VPS54: variants seen among roughly 807,000 people sequenced by gnomAD.
VPS54 encodes vacuolar protein sorting-associated protein 54.
A neutral mutation model predicts 121.5 loss-of-function variants in VPS54; 45 were observed. That is an observed-to-expected ratio of 0.37 (90% CI 0.29 to 0.47). VPS54 has a LOEUF of 0.47. Among genes scored for constraint, VPS54 ranks in the 20% least tolerant of loss-of-function variants. VPS54 has a pLI of 0.99. For missense variants in VPS54, 1,090 were observed against 1,131.4 expected, an observed-to-expected ratio of 0.96 and a Z score of 0.52; for synonymous variants, 371 against 385.8, an observed-to-expected ratio of 0.96 and a Z score of 0.45.
chr2:63,901,987 C>G (rs1672697871), intron 20 of VPS54, among the ~76,000 whole-genome samples: 1 of 152,074 alleles, frequency 6.6e-6, no homozygotes, highest in Non-Finnish European at 1.5e-5. Context: ...TGCACTCCAG[C>G]CTGGGAGACA....
chr2:63,957,766 A>G (rs2104550484), intron 7 of VPS54, among the ~76,000 whole-genome samples: 1 of 152,266 alleles, frequency 6.6e-6, no homozygotes, highest in Middle Eastern at 3.4e-3. Flanking sequence ...TACCACTTTA[A>G]TTACAAATCA....
At chr2:63,983,474 T>TC (rs554945503) in intron 2 of VPS54, among the ~76,000 whole-genome samples, 7,675 of 124,644 alleles carry the variant, frequency 0.062, 291 homozygotes, top group Middle Eastern at 0.14. Context: ...AGATGGAGTC[T>TC]GTCTGTCACC....
chr2:63,975,421 A>C (rs1173317133), intron 3 of VPS54: 2 of 166,262 alleles, frequency 1.2e-5, no homozygotes, highest in East Asian at 3.1e-4. Context: ...ACAAGATTAG[A>C]AATTACGGTT....
At chr2:63,931,528 G>C (rs770565973) in intron 12 of VPS54, among the ~76,000 whole-genome samples, 1 of 152,136 alleles carries the variant, frequency 6.6e-6, no homozygotes, top group Non-Finnish European at 1.5e-5. Context: ...AGACTTAAAC[G>C]TAAGACCTAG....
chr2:63,923,503 A>G (rs927769083), intron 12 of VPS54, among the ~76,000 whole-genome samples: 3 of 152,138 alleles, frequency 2.0e-5, no homozygotes, highest in Admixed American at 6.5e-5. Flanking sequence ...AATAGCCAAG[A>G]CGTGGAAGCA....
At chr2:63,970,135 C>T (rs1489597663) in intron 4 of VPS54, among the ~76,000 whole-genome samples, 1 of 150,576 alleles carries the variant, frequency 6.6e-6, no homozygotes, top group African/African-American at 2.4e-5. Context: ...TATCTTCAGC[C>T]TCTTCCCTTG....
Position 63,909,487 on chromosome 2 carries a change from T to C in VPS54, c.2625+2858A>G, listed in dbSNP as rs188753196. The stretch of plus-strand genomic sequence containing the variant: ...CCTAGGCTGGAGTGCAGTGGCGTGA[T>C]CTTGGCTCACTGCAACCTCCGCCTC... On this transcript the variant is annotated intron_variant, in intron 20 of 22. Transcript: ENST00000272322. Among the ~76,000 whole-genome samples, 21 of 145,878 alleles carry C rather than the reference T, an allele frequency of 1.4e-4. No homozygotes were observed. In the East Asian group the frequency reaches 3.8e-3, roughly 27 times the overall value.
chr2:63,991,526 T>TTA (rs1184858243), intron 1 of VPS54, among the ~76,000 whole-genome samples: 8 of 152,224 alleles, frequency 5.3e-5, no homozygotes, highest in Non-Finnish European at 1.2e-4. Context: ...CCTGCTATAA[T>TTA]TGCAGTCAAC....
At chr2:63,995,552 G>A (rs535028173) in intron 1 of VPS54, among the ~76,000 whole-genome samples, 47 of 152,306 alleles carry the variant, frequency 3.1e-4, no homozygotes, top group South Asian at 6.2e-4. Context: ...CCGGAATGGC[G>A]TTACATCAGT....
intron 12 of VPS54, among the ~76,000 whole-genome samples, chr2:63,923,569 C>T (rs933724120): frequency 6.6e-6 from 1 of 152,092 alleles, no homozygotes; most frequent in Admixed American, 6.6e-5. Flanking sequence ...TATACATATA[C>T]ATCTTGTATG....
chr2:63,953,126 A>AT (rs1194371865), intron 7 of VPS54, among the ~76,000 whole-genome samples: 5,973 of 119,168 alleles, frequency 0.05, 247 homozygotes, highest in East Asian at 0.097. Flanking sequence ...GAAATTTTTA[A>AT]TTTTTTTTTT....
intron 20 of VPS54, among the ~76,000 whole-genome samples, chr2:63,900,919 C>T (rs999019480): frequency 2.0e-5 from 3 of 152,068 alleles, no homozygotes; most frequent in Non-Finnish European, 4.4e-5. Flanking sequence ...CTTGCCACCC[C>T]GCCCAGGTAA....
At chr2:63,967,548 G>T (rs776800513) in intron 5 of VPS54, among the ~76,000 whole-genome samples, 6 of 151,458 alleles carry the variant, frequency 4.0e-5, no homozygotes, top group African/African-American at 9.7e-5. Context: ...GCAAAACCCC[G>T]TCTCTTCTAA....
chr2:63,947,355 AAT>A (rs1392208128), intron 9 of VPS54, 26 bp downstream of exon 9: 4 of 1,510,392 alleles, frequency 2.6e-6, no homozygotes, highest in South Asian at 1.2e-5. Flanking sequence ...TCCAGACCAA[AAT>A]ATGTCAAATA....
chr2:63,919,591 C>G (rs1343301553), intron 15 of VPS54, among the ~76,000 whole-genome samples: 1 of 152,056 alleles, frequency 6.6e-6, no homozygotes, highest in Non-Finnish European at 1.5e-5. Flanking sequence ...CAAGCCTCCT[C>G]ACTGTTACAC....
At chr2:63,946,650 A>T (rs1674992954) in intron 9 of VPS54, among the ~76,000 whole-genome samples, 1 of 152,076 alleles carries the variant, frequency 6.6e-6, no homozygotes, top group Non-Finnish European at 1.5e-5. Context: ...TATCTTTTTC[A>T]TATATTAAAA....
rs185409327 is a variant in VPS54 at position 63,927,432 on chromosome 2, A to C, written c.1740-6097T>G. Among the ~76,000 whole-genome samples the C allele has an allele frequency of 9.8e-4, 149 of 152,302 alleles. 2 individuals carry two copies. In the Middle Eastern group the frequency reaches 0.014, roughly 14 times the overall value. On this transcript the variant is annotated intron_variant, in intron 12 of 22. Coordinates refer to ENST00000272322, the MANE Select transcript of VPS54 (RefSeq NM_016516.3). ...TGCAGTTGAGGGATGTGACTGTTGG[A>C]AGGAAAATTAACAAACAAAGGAATA...
In VPS54 at chr2:63,913,978, A is replaced by C. The variant is rs911600599; in HGVS notation, c.2334+204T>G. On this transcript the variant is annotated intron_variant, in intron 17 of 22. Coordinates refer to ENST00000272322, the MANE Select transcript of VPS54 (RefSeq NM_016516.3). ...AATGTCATTAACAACTCTATGGGTG[A>C]ATGAGGATCACTAACTGTGGAGTAA... is the stretch of plus-strand genomic sequence containing the variant. The C allele has an allele frequency of 1.2e-5, 16 of 1,291,666 alleles. No individual in the cohort carries two copies. In the Admixed American group the frequency reaches 2.3e-4, roughly 18 times the overall value. The allele number at this position is 1,291,666 out of a possible 1,614,324, so 80.0% of individuals were successfully genotyped here.
At chr2:63,950,755 T>C (rs1369416978) in intron 7 of VPS54, among the ~76,000 whole-genome samples, 2 of 152,136 alleles carry the variant, frequency 1.3e-5, no homozygotes, top group Admixed American at 6.5e-5. Context: ...TCACTATCTC[T>C]TCCTTGCTAA....
Sources: allele counts gnomAD v4.1 joint callset (sites outside exome capture counted in the v4.1 genomes callset), GRCh38; gene constraint gnomAD v4.1.1; transcripts MANE v1.5; gene names NCBI Gene and HGNC (gene_info 2026-07-23, HGNC 2026-07-21).